RAPGEF4: variants seen among roughly 807,000 people sequenced by gnomAD.
RAPGEF4 encodes the protein Rap guanine nucleotide exchange factor 4.
A neutral mutation model predicts 147.9 loss-of-function variants in RAPGEF4; 66 were observed. That is an observed-to-expected ratio of 0.45 (90% CI 0.37 to 0.55). The LOEUF (loss-of-function observed/expected upper bound fraction) is 0.55, where lower values mean the gene tolerates loss of function less well. RAPGEF4 is among the 20% of genes least tolerant of loss of function. The pLI, the probability that RAPGEF4 is intolerant of heterozygous loss-of-function variation, is 0.00. For missense variants in RAPGEF4, 1,071 were observed against 1,257.3 expected, an observed-to-expected ratio of 0.85 and a Z score of 2.24; for synonymous variants, 419 against 442.7, an observed-to-expected ratio of 0.95 and a Z score of 0.67.
rs1367422461 is a variant in RAPGEF4, at chr2:172,797,565, C to T, written c.249C>T (p.Val83=). Residue 83 remains valine (V), a synonymous_variant, in exon 3 of 31, where the codon GTC becomes GTT. Transcript: ENST00000397081. ...ATATTGGAACAAACTGGTATGCTGT[C>T]CTGGCAGGGTCTTTGGATGTTAAAG... ...QGDIGTNWYA[V]LAGSLDVKVS... is the part of the protein sequence containing the mutation. 6.2e-7 allele frequency: 1 copy of T among 1,613,728 alleles called. No individual in the cohort carries two copies. Among genetic ancestry groups the T allele is most frequent in the Non-Finnish European group, 8.5e-7 (1 of 1,179,862 alleles).
At chr2:172,833,488 A>T (rs1690599055) in intron 4 of RAPGEF4, among the ~76,000 whole-genome samples, 1 of 152,126 alleles carries the variant, frequency 6.6e-6, no homozygotes, top group African/African-American at 2.4e-5. Context: ...AACCTGAGTA[A>T]TTTCAAACTT....
intron 6 of RAPGEF4, among the ~76,000 whole-genome samples, chr2:172,937,030 C>T (rs1228310850): frequency 3.2e-5 from 3 of 95,042 alleles, no homozygotes; most frequent in Non-Finnish European, 4.2e-5. Context: ...TGAGACTCCT[C>T]TCTCTGCAAA....
At chr2:172,922,468 G>A (rs745418681) in intron 6 of RAPGEF4, among the ~76,000 whole-genome samples, 168 bp downstream of exon 6, 2 of 152,210 alleles carry the variant, frequency 1.3e-5, no homozygotes, top group Non-Finnish European at 2.9e-5. Flanking sequence ...AATAGAAAGG[G>A]GAGAAGGTTG....
intron 4 of RAPGEF4, among the ~76,000 whole-genome samples, chr2:172,896,623 C>T (rs1026721447): frequency 6.7e-6 from 1 of 149,128 alleles, no homozygotes; most frequent in Non-Finnish European, 1.5e-5. Context: ...CCTGAATGAG[C>T]GTAGTGAAAA....
chr2:172,988,005 TTC>T (rs946429865), intron 12 of RAPGEF4, among the ~76,000 whole-genome samples, 189 bp from the exon 13 acceptor site: 7 of 152,258 alleles, frequency 4.6e-5, no homozygotes, highest in African/African-American at 1.7e-4. Context: ...AATGCAGTGT[TTC>T]TCTTTCTTTT....
intron 4 of RAPGEF4, among the ~76,000 whole-genome samples, chr2:172,823,599 CCAAA>C (rs1689334992): frequency 6.6e-6 from 1 of 152,086 alleles, no homozygotes; most frequent in Non-Finnish European, 1.5e-5. Flanking sequence ...TCTCGTGGGG[CCAAA>C]TTCCACTCCT....
intron 4 of RAPGEF4, among the ~76,000 whole-genome samples, chr2:172,864,438 T>G (rs1217101567): frequency 4.6e-5 from 7 of 152,188 alleles, no homozygotes; most frequent in Admixed American, 1.3e-4. Flanking sequence ...AGTTGTCTCT[T>G]GAGTCTGGGA....
intron 4 of RAPGEF4, among the ~76,000 whole-genome samples, chr2:172,914,635 A>G (rs907644811): frequency 6.9e-6 from 1 of 144,966 alleles, no homozygotes; most frequent in Non-Finnish European, 1.6e-5. Context: ...AGAGAAAGAA[A>G]GAAATATAGA....
At chr2:172,805,185 A>T (rs1033797248) in intron 3 of RAPGEF4, among the ~76,000 whole-genome samples, 1 of 152,074 alleles carries the variant, frequency 6.6e-6, no homozygotes, top group African/African-American at 2.4e-5. Context: ...CCCTAATTCA[A>T]GGCTTCAAGA....
At chr2:172,998,009 A>C (rs1355192899) in intron 16 of RAPGEF4, among the ~76,000 whole-genome samples, 3 of 152,168 alleles carry the variant, frequency 2.0e-5, no homozygotes, top group Non-Finnish European at 2.9e-5. Context: ...TTCTCAGGTC[A>C]ATATTTGTTG....
At chr2:172,843,109 G>A (rs1213749105) in intron 4 of RAPGEF4, among the ~76,000 whole-genome samples, 1 of 152,160 alleles carries the variant, frequency 6.6e-6, no homozygotes, top group Admixed American at 6.5e-5. Context: ...ATCGTTGGAG[G>A]TGGTGTCATT....
At chr2:172,889,227 C>G (rs563247992) in intron 4 of RAPGEF4, among the ~76,000 whole-genome samples, 12 of 151,668 alleles carry the variant, frequency 7.9e-5, no homozygotes, top group Non-Finnish European at 1.8e-4. Context: ...TACTAAAGAG[C>G]TGGAAGAGAT....
chr2:172,751,480 T>C (rs1201412315), intron 1 of RAPGEF4, among the ~76,000 whole-genome samples: 1 of 152,000 alleles, frequency 6.6e-6, no homozygotes, highest in East Asian at 1.9e-4. Context: ...TAAGAGAATA[T>C]GGAGGTAGAG....
intron 8 of RAPGEF4, 156 bp from the exon 9 acceptor site, chr2:172,965,406 C>T: frequency 1.2e-6 from 1 of 823,302 alleles, no homozygotes; most frequent in Non-Finnish European, 2.0e-6. Flanking sequence ...CATTTGAGAA[C>T]CTGAAGCTAC....
chr2:172,771,956 G>A (rs917401473), intron 1 of RAPGEF4, among the ~76,000 whole-genome samples: 1 of 152,174 alleles, frequency 6.6e-6, no homozygotes, highest in Admixed American at 6.5e-5. Context: ...ATAACTGTTG[G>A]CTGGGCATGG....
intron 4 of RAPGEF4, among the ~76,000 whole-genome samples, chr2:172,834,104 G>C (rs559622387): frequency 6.6e-6 from 1 of 152,256 alleles, no homozygotes; most frequent in South Asian, 2.1e-4. Context: ...AAGGCATTTT[G>C]AAATTCTATC....
intron 1 of RAPGEF4, among the ~76,000 whole-genome samples, chr2:172,776,484 A>T (rs969202048): frequency 2.0e-5 from 3 of 151,806 alleles, no homozygotes; most frequent in Non-Finnish European, 4.4e-5. Flanking sequence ...TAACTGGAAA[A>T]TTTTCATCCA....
intron 26 of RAPGEF4, 91 bp from the exon 27 acceptor site, chr2:173,033,823 G>C: frequency 8.4e-7 from 1 of 1,183,662 alleles, no homozygotes. Context: ...AGAGCCAATG[G>C]ATATATATTT....
rs773331672 is a variant in RAPGEF4, at chr2:173,014,561, G to A, written c.1756G>A (p.Ala586Thr). The A allele has an allele frequency of 9.3e-6, 15 of 1,614,018 alleles. No homozygotes were observed. Among genetic ancestry groups the A allele is most frequent in the Non-Finnish European group, 4.2e-6 (5 of 1,179,998 alleles). ...RVIRLVLQWAAMYGDLLQEDD... is the reference protein window; with the variant it reads ...RVIRLVLQWATMYGDLLQEDD... ...CATCCGCCTGGTTCTACAGTGGGCT[G>A]CCATGTATGGAGACCTCCTGCAAGA... The change falls in exon 18 of 31, where the codon GCC (alanine) becomes ACC (threonine). Residue 586 changes from alanine to threonine, a missense_variant. Transcript: ENST00000397081.
Sources: gnomAD v4.1 joint callset for allele counts (sites outside exome capture counted in the v4.1 genomes callset) on GRCh38, gnomAD v4.1.1 for gene constraint, MANE v1.5 for transcripts, NCBI Gene and HGNC (gene_info 2026-07-23, HGNC 2026-07-21) for gene names.